The following FMNL2 variants were observed in gnomAD, a reference collection of about 807,000 sequenced individuals.
The protein encoded by FMNL2 is formin like 2.
Under a neutral mutation model 130.2 loss-of-function variants are expected in FMNL2, and 51 were observed. That is an observed-to-expected ratio of 0.39 (90% CI 0.31 to 0.49). The LOEUF (loss-of-function observed/expected upper bound fraction) is 0.49, where lower values mean the gene tolerates loss of function less well. FMNL2 is among the 20% of genes least tolerant of loss of function. The probability of loss-of-function intolerance (pLI) is 0.85; values close to 1 mark genes in which losing one functional copy is unlikely to be tolerated. For missense variants in FMNL2, 977 were observed against 1,316.2 expected (o/e 0.74, Z 3.99); for synonymous variants, 465 against 467.1 (o/e 1.00, Z 0.06).
chr2:152,536,971 A>T (rs992752507), intron 2 of FMNL2, among the ~76,000 whole-genome samples: 3 of 152,228 alleles, frequency 2.0e-5, no homozygotes, highest in African/African-American at 4.8e-5. Context: ...AAAGATCAGA[A>T]ATGCTAAGCT....
intron 1 of FMNL2, among the ~76,000 whole-genome samples, chr2:152,516,271 T>A (rs1171227722): frequency 6.6e-6 from 1 of 152,172 alleles, no homozygotes; most frequent in Admixed American, 6.5e-5. Context: ...AACTTAAAAA[T>A]GGTTATGAGG....
chr2:152,367,793 T>C (rs536327472), intron 1 of FMNL2, among the ~76,000 whole-genome samples: 2 of 152,236 alleles, frequency 1.3e-5, no homozygotes, highest in South Asian at 2.1e-4. Flanking sequence ...TTATAGGATT[T>C]GCTCTCTTTG....
intron 11 of FMNL2, 62 bp from the exon 12 acceptor site, chr2:152,614,789 G>C: frequency 6.9e-7 from 1 of 1,455,680 alleles, no homozygotes; most frequent in South Asian, 1.4e-5. Flanking sequence ...AGACTCTTAG[G>C]AAATGATGTT....
At chr2:152,625,318 C>T (rs34536210) in intron 15 of FMNL2, 120 bp from the exon 16 acceptor site, 34,371 of 1,201,510 alleles carry the variant, frequency 0.029, 649 homozygotes, top group Middle Eastern at 0.072. Context: ...CCTACTTGCG[C>T]GCCTCTTGCC....
rs546673678 is a variant in FMNL2, at chr2:152,568,200, C to T, written c.597-6936C>T. Among the ~76,000 whole-genome samples the T allele has an allele frequency of 2.0e-3, 157 of 77,514 alleles. 2 individuals are homozygous for T. In the Middle Eastern group the frequency reaches 0.023, roughly 11 times the overall value. 50.9% of individuals were successfully genotyped at this position (77,514 alleles called of 152,430 possible). Reference sequence around the variant, plus strand: ...CTTCAGGACATTACTGGGTGAGCAACGGCTTCCATTTTGGTGGGTTTTTTT... The same window carrying T: ...CTTCAGGACATTACTGGGTGAGCAATGGCTTCCATTTTGGTGGGTTTTTTT... On this transcript the variant is annotated intron_variant, in intron 6 of 25. Transcript: ENST00000288670.
intron 1 of FMNL2, among the ~76,000 whole-genome samples, chr2:152,347,791 A>T (rs1682210958): frequency 6.6e-6 from 1 of 152,168 alleles, no homozygotes; most frequent in Admixed American, 6.5e-5. Context: ...TGAGGGGCTC[A>T]TGGCCACGTT....
intron 1 of FMNL2, among the ~76,000 whole-genome samples, chr2:152,362,713 TAAG>T (rs1422665525): frequency 1.3e-5 from 2 of 152,146 alleles, no homozygotes; most frequent in African/African-American, 2.4e-5. Context: ...TATTTTGACT[TAAG>T]GAGACCCTTT....
At chr2:152,359,504 G>A (rs1331908500) in intron 1 of FMNL2, among the ~76,000 whole-genome samples, 2 of 138,106 alleles carry the variant, frequency 1.4e-5, no homozygotes. Context: ...TCACATAACA[G>A]GTAAAAACAA....
intron 17 of FMNL2, among the ~76,000 whole-genome samples, chr2:152,627,726 G>A (rs771176814): frequency 6.6e-6 from 1 of 152,116 alleles, no homozygotes; most frequent in Non-Finnish European, 1.5e-5. Context: ...TTCAAATTAA[G>A]CATATATCCA....
chr2:152,614,758 A>AAAAC (rs1315700824), intron 11 of FMNL2, 93 bp from the exon 12 acceptor site: 202 of 1,399,464 alleles, frequency 1.4e-4, no homozygotes, highest in Non-Finnish European at 1.6e-5. Context: ...AAAACAAAAC[A>AAAAC]AAACAAAAAA....
intron 16 of FMNL2, 22 bp downstream of exon 16, chr2:152,625,584 A>C (rs1267270929): frequency 5.6e-6 from 9 of 1,596,118 alleles, no homozygotes; most frequent in Non-Finnish European, 7.7e-6. Context: ...ATTGGTTAGA[A>C]ACTAGAGGTG....
chr2:152,624,210 T>C (rs1002493701), intron 15 of FMNL2, among the ~76,000 whole-genome samples: 1 of 150,660 alleles, frequency 6.6e-6, no homozygotes, highest in Non-Finnish European at 1.5e-5. Context: ...CAGGCTAGAG[T>C]GCTATGGCGT....
At chr2:152,404,960 C>T (rs1195026506) in intron 1 of FMNL2, among the ~76,000 whole-genome samples, 1 of 152,110 alleles carries the variant, frequency 6.6e-6, no homozygotes, top group African/African-American at 2.4e-5. Context: ...CACCTTCCTC[C>T]AGTTTGAAAA....
chr2:152,457,056 T>C (rs1688998103), intron 1 of FMNL2, among the ~76,000 whole-genome samples: 1 of 152,212 alleles, frequency 6.6e-6, no homozygotes, highest in Non-Finnish European at 1.5e-5. Context: ...GTGTAGCTTT[T>C]AGTGCCCGAA....
At chr2:152,555,168 A>G (rs1236987809) in intron 4 of FMNL2, among the ~76,000 whole-genome samples, 1 of 152,088 alleles carries the variant, frequency 6.6e-6, no homozygotes, top group Non-Finnish European at 1.5e-5. Context: ...GAAAACAACT[A>G]ATGTCCTAAT....
intron 21 of FMNL2, among the ~76,000 whole-genome samples, chr2:152,634,866 A>G (rs4664119): frequency 0.85 from 129,439 of 152,022 alleles, 55,700 homozygotes; most frequent in Non-Finnish European, 0.91. Flanking sequence ...GTTTCGCTGG[A>G]ATTCAGAAAG....
chr2:152,614,834 C>G lies in FMNL2; in HGVS notation c.1063-17C>G, dbSNP rs1698868226. On this transcript the variant is annotated splice_polypyrimidine_tract_variant and intron_variant, in intron 11 of 25. Transcript: ENST00000288670. ...TAGATGAGCTAACACCACGTTCTCTCCTATTCTGGTTTTTAGAAGCTGAAA... is the reference window on the plus strand; with the variant it reads ...TAGATGAGCTAACACCACGTTCTCTGCTATTCTGGTTTTTAGAAGCTGAAA... 3.1e-6 allele frequency: 5 copies of G among 1,599,242 alleles called. No homozygotes were observed. Among genetic ancestry groups the G allele is most frequent in the Non-Finnish European group, 4.3e-6 (5 of 1,175,936 alleles).
chr2:152,586,658 G>A (rs532985294), intron 9 of FMNL2, among the ~76,000 whole-genome samples: 39 of 152,302 alleles, frequency 2.6e-4, no homozygotes, highest in South Asian at 6.2e-4. Context: ...AGCCACAGCC[G>A]TAGAGCATGT....
At chr2:152,613,520 A>G (rs894251558) in intron 11 of FMNL2, among the ~76,000 whole-genome samples, 4 of 152,236 alleles carry the variant, frequency 2.6e-5, no homozygotes, top group Admixed American at 2.6e-4. Context: ...TCTCTTCAGA[A>G]TAAGCTGTAT....
Sources: allele counts gnomAD v4.1 joint callset (sites outside exome capture counted in the v4.1 genomes callset), GRCh38; gene constraint gnomAD v4.1.1; transcripts MANE v1.5; gene names NCBI Gene and HGNC (gene_info 2026-07-23, HGNC 2026-07-21).